Variants in ZPR1 observed in about 807,000 individuals in gnomAD.
ZPR1 encodes the protein ZPR1 zinc finger, also known as zinc finger protein ZPR1.
Under a neutral mutation model 59.6 loss-of-function variants are expected in ZPR1, and 37 were observed. The ratio of observed to expected loss-of-function variants is 0.62; its 90% CI spans 0.48 to 0.82. The LOEUF (loss-of-function observed/expected upper bound fraction) is 0.82. Ranked by LOEUF, ZPR1 falls within the 40% of genes least tolerant of loss-of-function variation. The pLI, the probability that ZPR1 is intolerant of heterozygous loss-of-function variation, is 0.00. For missense variants in ZPR1, 527 were observed against 579.9 expected, an observed-to-expected ratio of 0.91 and a Z score of 0.94; for synonymous variants, 191 against 215.2, an observed-to-expected ratio of 0.89 and a Z score of 0.99.
chr11:116,786,643 A>G lies in ZPR1; in HGVS notation c.425-62T>C, dbSNP rs879236308. The G allele has an allele frequency of 1.2e-5, 18 of 1,444,600 alleles. No individual in the cohort carries two copies. The South Asian group carries it at 2.1e-4, about 17-fold the overall frequency. The allele number at this position is 1,444,600 out of a possible 1,614,324, so 89.5% of individuals were successfully genotyped here. A position where few individuals can be genotyped will look rare whatever the true frequency, so the allele number is the denominator to read the frequency against. On this transcript the variant is annotated intron_variant, in intron 3 of 13. Transcript: ENST00000227322. ...CTCAGCTCTGCTATCAAGTCCCTGTATGACCCTGGGCAATTCACTTGAACT... is the reference window on the plus strand; with the variant it reads ...CTCAGCTCTGCTATCAAGTCCCTGTGTGACCCTGGGCAATTCACTTGAACT...
intron 5 of ZPR1, 44 bp from the exon 6 acceptor site, chr11:116,785,680 A>C (rs544108774): frequency 6.2e-7 from 1 of 1,613,804 alleles, no homozygotes; most frequent in East Asian, 2.2e-5. Context: ...AGAAAATCAT[A>C]AACAATCCTA....
chr11:116,783,718 G>A (rs2134196124), intron 9 of ZPR1, 99 bp from the exon 10 acceptor site: 1 of 895,884 alleles, frequency 1.1e-6, no homozygotes. Context: ...ATCAGTTAGG[G>A]CCATTAATAG....
Position 116,775,780 on chromosome 11 carries a change from G to A in ZPR1, c.*3145C>T, listed in dbSNP as rs997604995. ...CAGACTAGGAAAACAAGCATTGGAAGTGCCAATACTAAACTGAGGTGAACG... is the reference window on the plus strand; with the variant it reads ...CAGACTAGGAAAACAAGCATTGGAAATGCCAATACTAAACTGAGGTGAACG... On this transcript the variant is annotated 3_prime_UTR_variant, in exon 14 of 14. Coordinates refer to ENST00000227322, the MANE Select transcript of ZPR1 (RefSeq NM_003904.5). 4 of 166,688 alleles carry A rather than the reference G, an allele frequency of 2.4e-5. No homozygotes were observed. The highest frequency in any genetic ancestry group is 3.9e-4 in the East Asian group (2 of 5,166). The allele number at this position is 166,688 out of a possible 1,614,324, so 10.3% of individuals were successfully genotyped here.
In ZPR1 at chr11:116,786,579, G is replaced by C; in HGVS notation, c.427C>G (p.Leu143Val). 10 of 1,614,132 alleles carry C rather than the reference G, an allele frequency of 6.2e-6. No homozygotes were observed. Among genetic ancestry groups the C allele is most frequent in the Non-Finnish European group, 7.6e-6 (9 of 1,179,974 alleles). ...GTGATCAATCCTTCAACAGTGGTCA[G>C]AGCTTGTGAACAAGAACAAAAGACA... The part of the protein sequence containing the change: ...EIPAFSQKGA[L>V]TTVEGLITRA... Residue 143 changes from leucine to valine, a missense_variant and splice_region_variant, in exon 4 of 14, where the codon CTG (leucine) becomes GTG (valine). By Grantham distance (32) the Leu-to-Val change is conservative. Coordinates refer to ENST00000227322, the MANE Select transcript of ZPR1 (RefSeq NM_003904.5).
At chr11:116,786,394 C>G (rs1315131702) in intron 4 of ZPR1, 117 bp downstream of exon 4, 2 of 1,077,772 alleles carry the variant, frequency 1.9e-6, no homozygotes, top group East Asian at 4.8e-5. Flanking sequence ...GCTCCAGCAC[C>G]ACCATATGCT....
In ZPR1 at chr11:116,782,141, G is replaced by C; in HGVS notation, c.1179+17C>G. 6.2e-7 allele frequency: 1 copy of C among 1,606,538 alleles called. No homozygotes were observed. The highest frequency in any genetic ancestry group is 1.1e-5 in the South Asian group (1 of 90,670). On this transcript the variant is annotated intron_variant, in intron 12 of 13. Transcript: ENST00000227322. ...AGCCCCAGGATTCTAAGTACTGACTGGCCAGTGACCTCTTACCTGGTCCAT... is the reference window on the plus strand; with the variant it reads ...AGCCCCAGGATTCTAAGTACTGACTCGCCAGTGACCTCTTACCTGGTCCAT...
At chr11:116,785,710 A>G (rs2134197643) in intron 5 of ZPR1, 74 bp from the exon 6 acceptor site, 5 of 1,612,734 alleles carry the variant, frequency 3.1e-6, no homozygotes, top group Non-Finnish European at 4.2e-6. Flanking sequence ...CTATCAGACC[A>G]CGCAGGCATC....
At position 116,785,134 on chromosome 11, in the gene ZPR1, C is replaced by G. The variant is rs1940864422; in HGVS notation, c.718G>C (p.Ala240Pro). ...AGATCTTCCTCTTCTGGCTTCTCTG[C>G]TGGTGCTTCTTCCTAAAATAGCAAA... ...EMLGLQEEAP[A>P]EKPEEEDLRN... is the part of the protein sequence containing the mutation. The change falls in exon 7 of 14, where the codon GCA becomes CCA. Residue 240 changes from alanine (A) to proline (P), a missense_variant. By Grantham distance (27) the Ala-to-Pro change is conservative. Coordinates refer to ENST00000227322, the MANE Select transcript of ZPR1 (RefSeq NM_003904.5). The G allele has an allele frequency of 1.2e-6, 2 of 1,613,980 alleles. No homozygotes were observed. Among genetic ancestry groups the G allele is most frequent in the South Asian group, 2.2e-5 (2 of 91,090 alleles).
intron 2 of ZPR1, 70 bp from the exon 3 acceptor site, chr11:116,787,129 C>G: frequency 7.3e-7 from 1 of 1,369,248 alleles, no homozygotes; most frequent in Non-Finnish European, 1.0e-6. Context: ...ATAACCAGAC[C>G]GTCCCCTTCC....
At chr11:116,784,831 A>G in intron 8 of ZPR1, 24 bp downstream of exon 8, 2 of 1,613,712 alleles carry the variant, frequency 1.2e-6, no homozygotes, top group Middle Eastern at 1.6e-4. Context: ...ATGAAGAGCA[A>G]CCCAACTGCT....
chr11:116,779,603 C>A (rs996653274), intron 13 of ZPR1, among the ~76,000 whole-genome samples, 169 bp downstream of exon 13: 1 of 151,704 alleles, frequency 6.6e-6, no homozygotes, highest in Non-Finnish European at 1.5e-5. Flanking sequence ...AAAAAAAAAT[C>A]CCCTCCCACA....
chr11:116,787,168 T>C, intron 2 of ZPR1, 109 bp from the exon 3 acceptor site: 1 of 978,880 alleles, frequency 1.0e-6, no homozygotes, highest in Non-Finnish European at 1.6e-6. Context: ...TGTCTCTCCC[T>C]CTCGCCACTC....
At chr11:116,779,539 G>GA (rs1446782134) in intron 13 of ZPR1, among the ~76,000 whole-genome samples, 9 of 149,858 alleles carry the variant, frequency 6.0e-5, no homozygotes, top group Admixed American at 2.6e-4. Context: ...CTTGACTACA[G>GA]AAAAAAAAGG....
In ZPR1 at chr11:116,787,653, T is replaced by A; in HGVS notation, c.172-10A>T. The A allele has an allele frequency of 6.2e-7, 1 of 1,604,154 alleles. No homozygotes were observed. On this transcript the variant is annotated splice_polypyrimidine_tract_variant and intron_variant, in intron 1 of 13. Transcript: ENST00000227322. Reference sequence around the variant, plus strand: ...GGAGGCGCGTCATGCCCTGGTGAAGTAGAAAGTAGCTAAGGAAAAAAATCA... The same window carrying A: ...GGAGGCGCGTCATGCCCTGGTGAAGAAGAAAGTAGCTAAGGAAAAAAATCA...
At chr11:116,780,104 AAAAG>A (rs977856204) in intron 12 of ZPR1, among the ~76,000 whole-genome samples, 15 of 150,344 alleles carry the variant, frequency 1.0e-4, no homozygotes, top group Admixed American at 5.3e-4. Flanking sequence ...AATTTTTAAA[AAAAG>A]AGGCTATGCC....
rs1591310802 is a variant in ZPR1 at position 116,787,727 on chromosome 11, C to T, written c.172-84G>A. ...ACTATCTCCGGGCGCTCCTCGGGGT[C>T]CCCGGCCGGGCCCACCTGGCTGGGT... On this transcript the variant is annotated intron_variant, in intron 1 of 13. Transcript: ENST00000227322. 3.9e-6 allele frequency: 6 copies of T among 1,532,068 alleles called. No homozygotes were observed. In the East Asian group the frequency reaches 1.2e-4, roughly 30 times the overall value. 94.9% of individuals were successfully genotyped at this position (1,532,068 alleles called of 1,614,324 possible). A position where few individuals can be genotyped will look rare whatever the true frequency, so the allele number is the denominator to read the frequency against.
chr11:116,785,470 G>A (rs777610666), intron 6 of ZPR1, 44 bp downstream of exon 6: 21 of 1,605,778 alleles, frequency 1.3e-5, no homozygotes, highest in Middle Eastern at 1.9e-4. Context: ...TCCAGAGTGC[G>A]CGATAATTCC....
intron 7 of ZPR1, 70 bp from the exon 8 acceptor site, chr11:116,784,991 G>T (rs1940862299): frequency 5.6e-6 from 9 of 1,604,620 alleles, no homozygotes; most frequent in Non-Finnish European, 6.8e-6. Flanking sequence ...ACACTCAGTT[G>T]GTATGCTAGT....
chr11:116,786,332 G>A (rs866509660), intron 4 of ZPR1, among the ~76,000 whole-genome samples, 179 bp downstream of exon 4: 2 of 152,310 alleles, frequency 1.3e-5, no homozygotes, highest in African/African-American at 4.8e-5. Flanking sequence ...AATATATACT[G>A]AGGGAGGGAA....
Sources: gnomAD v4.1 joint callset for allele counts (sites outside exome capture counted in the v4.1 genomes callset) on GRCh38, gnomAD v4.1.1 for gene constraint, MANE v1.5 for transcripts, NCBI Gene and HGNC (gene_info 2026-07-23, HGNC 2026-07-21) for gene names.